The following EHD3 variants were observed in gnomAD, a reference collection of about 807,000 sequenced individuals.
EHD3 encodes the protein EH domain-containing protein 3.
In EHD3, 17 loss-of-function variants were observed where a neutral mutation model predicts 43.0. The ratio of observed to expected loss-of-function variants is 0.40; its 90% CI spans 0.27 to 0.59. The LOEUF (loss-of-function observed/expected upper bound fraction) is 0.59, where lower values mean the gene tolerates loss of function less well. Ranked by LOEUF, EHD3 falls within the 20% of genes least tolerant of loss-of-function variation. The pLI is 0.49. For synonymous variants in EHD3, 313 were observed against 289.5 expected, an observed-to-expected ratio of 1.08 and a Z score of -0.82; for missense variants, 594 against 705.6, an observed-to-expected ratio of 0.84 and a Z score of 1.79.
Position 31,260,860 on chromosome 2 carries a change from C to T in EHD3, c.853C>T (p.Leu285=). 1 of 1,614,130 alleles carries T rather than the reference C, an allele frequency of 6.2e-7. No homozygotes were observed. Among genetic ancestry groups the T allele is most frequent in the Middle Eastern group, 1.6e-4 (1 of 6,062 alleles). Residue 285 remains leucine, a synonymous_variant, in exon 4 of 6, where the codon CTG becomes TTG. Transcript: ENST00000322054. This position sits in a 1 kb window ranked among gnomAD's most constrained non-coding sequence, Gnocchi z 4.6. ...GGACCTATTCAGGGACATCCAGAGT[C>T]TGCCCCGAAATGCTGCCCTGCGCAA... is the stretch of plus-strand genomic sequence containing the variant. ...EQDLFRDIQS[L]PRNAALRKLN...
At chr2:31,243,463 T>TCTTTC (rs1180798961) in intron 1 of EHD3, among the ~76,000 whole-genome samples, 5 of 138,896 alleles carry the variant, frequency 3.6e-5, no homozygotes, top group Admixed American at 2.9e-4. Context: ...TTTCTTTCTT[T>TCTTTC]TTTTTTTTTT....
intron 3 of EHD3, among the ~76,000 whole-genome samples, chr2:31,254,108 C>G (rs1683691403): frequency 6.6e-6 from 1 of 152,150 alleles, no homozygotes; most frequent in Admixed American, 6.5e-5. Flanking sequence ...TCAGTAAGGC[C>G]AGAGCAGGTT....
At chr2:31,235,640 A>G (rs1218880892) in intron 1 of EHD3, among the ~76,000 whole-genome samples, 1 of 152,194 alleles carries the variant, frequency 6.6e-6, no homozygotes, top group African/African-American at 2.4e-5. Context: ...TGGGATGTTA[A>G]GTCCTAGATG....
chr2:31,245,284 C>A (rs911088802), intron 2 of EHD3, among the ~76,000 whole-genome samples: 1 of 151,988 alleles, frequency 6.6e-6, no homozygotes, highest in Non-Finnish European at 1.5e-5. Context: ...TTACTTGTTT[C>A]TAATTTTTCC....
At chr2:31,258,875 T>C (rs982679047) in intron 3 of EHD3, among the ~76,000 whole-genome samples, 3 of 151,278 alleles carry the variant, frequency 2.0e-5, no homozygotes, top group Non-Finnish European at 2.9e-5. Flanking sequence ...ACTTTGGGGA[T>C]AGAGTCCAAC....
Position 31,266,147 on chromosome 2 carries a change from T to C in EHD3, c.1081-30T>C. 2 of 1,583,618 alleles carry C rather than the reference T, an allele frequency of 1.3e-6. No homozygotes were observed. The highest frequency in any genetic ancestry group is 1.7e-6 in the Non-Finnish European group (2 of 1,162,000). ...GGAGGGCTCTCCTTTCATCGTATCC[T>C]ATCTTCATCCTCTCTCCTCCTCTTC... is the stretch of plus-strand genomic sequence containing the variant. On this transcript the variant is annotated intron_variant, in intron 5 of 5. Coordinates refer to ENST00000322054, the MANE Select transcript of EHD3 (RefSeq NM_014600.3). This position sits in a 1 kb window ranked among gnomAD's most constrained non-coding sequence, Gnocchi z 5.1.
chr2:31,243,628 TGTATTTTTA>T (rs982819341), intron 1 of EHD3, among the ~76,000 whole-genome samples: 1 of 151,826 alleles, frequency 6.6e-6, no homozygotes, highest in African/African-American at 2.4e-5. Context: ...AGCTAATTTT[TGTATTTTTA>T]GTAGAGACAG....
At position 31,268,040 on chromosome 2, in the gene EHD3, C is replaced by T. The variant is rs1456159180; in HGVS notation, c.*1336C>T. On this transcript the variant is annotated 3_prime_UTR_variant, in exon 6 of 6. Transcript: ENST00000322054. ...TGAATCATCCCAGCTCAGATGCAGCCACTGTCTCTTGTCAAGTGGGACCTC... is the reference window on the plus strand; with the variant it reads ...TGAATCATCCCAGCTCAGATGCAGCTACTGTCTCTTGTCAAGTGGGACCTC... The T allele has an allele frequency of 6.5e-6, 1 of 152,710 alleles. No homozygotes were observed. Among genetic ancestry groups the T allele is most frequent in the Non-Finnish European group, 1.5e-5 (1 of 68,084 alleles). The allele number at this position is 152,710 out of a possible 1,614,324, so 9.5% of individuals were successfully genotyped here. A position where few individuals can be genotyped will look rare whatever the true frequency, so the allele number is the denominator to read the frequency against.
rs192664057 is a variant in EHD3, at chr2:31,252,805, G to A, written c.502+3337G>A. Among the ~76,000 whole-genome samples, 30 of 152,264 alleles carry A rather than the reference G, an allele frequency of 2.0e-4. 1 individual carries two copies. The highest frequency in any genetic ancestry group is 2.0e-3 in the Admixed American group (30 of 15,294). ...AAGCACCAGGTCCCCCTACCTCTGG[G>A]AGAAATGATGGCCCCAGGAGTGGCT... On this transcript the variant is annotated intron_variant, in intron 3 of 5. Transcript: ENST00000322054.
chr2:31,251,423 C>G (rs145381916), intron 3 of EHD3, among the ~76,000 whole-genome samples: 1 of 152,186 alleles, frequency 6.6e-6, no homozygotes, highest in African/African-American at 2.4e-5. Context: ...CATCCTGTAG[C>G]AGGTGGGAGG....
intron 3 of EHD3, among the ~76,000 whole-genome samples, chr2:31,251,973 G>C (rs1683643709): frequency 6.6e-6 from 1 of 152,154 alleles, no homozygotes; most frequent in South Asian, 2.1e-4. Context: ...AGGAAGGCTG[G>C]GGAAAGCCAC....
At position 31,243,448 on chromosome 2, in the gene EHD3, C is replaced by CTTTTTTTTTTTTTTTTTTTTT. The variant is rs1310045883; in HGVS notation, c.228-823_228-822insTTTTTTTTTTTTTTTTTTTTT. 7.5e-5 allele frequency among the ~76,000 whole-genome samples: 5 copies of CTTTTTTTTTTTTTTTTTTTTT among 67,006 alleles called. 2 individuals carry two copies. Among genetic ancestry groups the CTTTTTTTTTTTTTTTTTTTTT allele is most frequent in the Non-Finnish European group, 2.7e-5 (1 of 37,422 alleles). The allele number at this position is 67,006 out of a possible 152,430, so 44.0% of individuals were successfully genotyped here. ...TCTTTCTTTCTTTCTTTCTTTCTTT[C>CTTTTTTTTTTTTTTTTTTTTT]TTTCTTTCTTTCTTTTTTTTTTTTT... is the stretch of plus-strand genomic sequence containing the variant. On this transcript the variant is annotated intron_variant, in intron 1 of 5. Coordinates refer to ENST00000322054, the MANE Select transcript of EHD3 (RefSeq NM_014600.3).
chr2:31,246,101 G>C (rs898056192), intron 2 of EHD3, among the ~76,000 whole-genome samples: 1 of 152,140 alleles, frequency 6.6e-6, no homozygotes, highest in Non-Finnish European at 1.5e-5. Flanking sequence ...CAGGCATGGG[G>C]CTTGGTTTAT....
chr2:31,266,040 G>T lies in EHD3; in HGVS notation c.1081-137G>T. 8.9e-7 allele frequency: 1 copy of T among 1,119,448 alleles called. No homozygotes were observed. The allele number at this position is 1,119,448 out of a possible 1,614,324, so 69.3% of individuals were successfully genotyped here. Reference sequence around the variant, plus strand: ...GATTACCACGTGATGTCCATCAGCTGAGCCTCTAGGTCACAGGTCTTTCAT... The same window carrying T: ...GATTACCACGTGATGTCCATCAGCTTAGCCTCTAGGTCACAGGTCTTTCAT... On this transcript the variant is annotated intron_variant, in intron 5 of 5. Transcript: ENST00000322054. The surrounding 1 kb of genome is among the most constrained non-coding windows in gnomAD (Gnocchi z 5.1).
At chr2:31,235,002 AC>A in intron 1 of EHD3, among the ~76,000 whole-genome samples, 154 bp downstream of exon 1, 1 of 151,886 alleles carries the variant, frequency 6.6e-6, no homozygotes, top group Non-Finnish European at 1.5e-5. Flanking sequence ...TCAAAATCTT[AC>A]CCCACAATTT....
intron 3 of EHD3, among the ~76,000 whole-genome samples, chr2:31,255,871 G>A (rs1382259354): frequency 2.0e-5 from 3 of 152,202 alleles, no homozygotes; most frequent in African/African-American, 2.4e-5. Context: ...GGCAGAGGCA[G>A]ACTTCACACA....
At position 31,267,269 on chromosome 2, in the gene EHD3, A is replaced by G. The variant is rs1683972383; in HGVS notation, c.*565A>G. On this transcript the variant is annotated 3_prime_UTR_variant, in exon 6 of 6. Transcript: ENST00000322054. ...GGCCCAGGAGCTCTGTTCTTTCCTA[A>G]TCTAAGCCTCTGTCTTCTTCGGCAA... The G allele has an allele frequency of 6.6e-6, 1 of 152,388 alleles. No homozygotes were observed. The highest frequency in any genetic ancestry group is 2.4e-5 in the African/African-American group (1 of 41,430). The allele number at this position is 152,388 out of a possible 1,614,324, so 9.4% of individuals were successfully genotyped here.
At chr2:31,264,414 G>T (rs1413928784) in intron 5 of EHD3, among the ~76,000 whole-genome samples, 1 of 152,008 alleles carries the variant, frequency 6.6e-6, no homozygotes, top group Non-Finnish European at 1.5e-5. Flanking sequence ...GAAGGCCTAG[G>T]ACATCACTGT....
At position 31,260,838 on chromosome 2, in the gene EHD3, C is replaced by G; in HGVS notation, c.831C>G (p.Asp277Glu). Residue 277 changes from aspartate to glutamate, a missense_variant, in exon 4 of 6, where the codon GAC becomes GAG. By Grantham distance (45) the Asp-to-Glu change is conservative (BLOSUM62 2). Around this residue, in one of 3 missense-constraint regions of EHD3, gnomAD observed 322 missense variants for 348.0 expected, o/e 0.93. Coordinates refer to ENST00000322054, the MANE Select transcript of EHD3 (RefSeq NM_014600.3). The surrounding 1 kb of genome is among the most constrained non-coding windows in gnomAD (Gnocchi z 4.6). ...AGCTCTTTGAGGCTGAGGAACAGGA[C>G]CTATTCAGGGACATCCAGAGTCTGC... ...NRKLFEAEEQ[D>E]LFRDIQSLPR... 6.2e-7 allele frequency: 1 copy of G among 1,614,208 alleles called. No homozygotes were observed.
Sources: gnomAD v4.1 joint callset for allele counts (sites outside exome capture counted in the v4.1 genomes callset) on GRCh38, gnomAD v4.1.1 for gene constraint, gnomAD v4.1.1 regional missense constraint, Gnocchi (gnomAD v3.1) non-coding constraint, MANE v1.5 for transcripts, NCBI Gene and HGNC (gene_info 2026-07-23, HGNC 2026-07-21) for gene names.